Variants in CFAP47 observed in about 807,000 individuals in gnomAD.
The protein encoded by CFAP47 is cilia- and flagella-associated protein 47.
CFAP47 carries 29 observed loss-of-function variants against 148.1 expected under a neutral mutation model. The observed-to-expected ratio is 0.20, with a 90% CI of 0.15 to 0.27. The LOEUF (loss-of-function observed/expected upper bound fraction) is 0.27, where lower values mean the gene tolerates loss of function less well. CFAP47 is among the 10% of genes least tolerant of loss of function. CFAP47 has a pLI of 1.00. For missense variants in CFAP47, 1,872 were observed against 1,697.5 expected (o/e 1.10, Z -1.81); for synonymous variants, 664 against 577.3 (o/e 1.15, Z -2.15).
At chrX:36,089,407 T>G (rs1938146714) in intron 30 of CFAP47, among the ~76,000 whole-genome samples, 1 of 111,480 alleles carries the variant, frequency 9.0e-6, no homozygotes, top group Admixed American at 9.6e-5. Flanking sequence ...AATAAAAAAT[T>G]AAAGTGTTAT....
At chrX:36,231,087 A>G (rs1189662876) in intron 46 of CFAP47, among the ~76,000 whole-genome samples, 1 of 109,252 alleles carries the variant, frequency 9.2e-6, no homozygotes, top group Admixed American at 9.8e-5. Context: ...TTGACTTGGC[A>G]ATGCGGGCTC....
chrX:35,956,055 T>G lies in CFAP47; in HGVS notation c.1269T>G (p.Pro423=), dbSNP rs752975745. The G allele has an allele frequency of 5.8e-6, 7 of 1,211,621 alleles. No homozygotes were observed. Among genetic ancestry groups the G allele is most frequent in the Middle Eastern group, 4.6e-4 (2 of 4,350 alleles). Reference sequence around the variant, plus strand: ...CAGGACCAGTTCTTAATTTTAAACCTTGTTTCATGGGTGAACGTTCAGAAA... The same window carrying G: ...CAGGACCAGTTCTTAATTTTAAACCGTGTTTCATGGGTGAACGTTCAGAAA... ...FDPGPVLNFK[P]CFMGERSEIQ... is the part of the protein sequence containing the mutation. The change falls in exon 8 of 64, where the codon CCT becomes CCG. Residue 423 remains proline (P), a synonymous_variant. Coordinates refer to ENST00000378653, the MANE Select transcript of CFAP47 (RefSeq NM_001304548.2).
intron 35 of CFAP47, among the ~76,000 whole-genome samples, chrX:36,142,979 C>T (rs1210688518): frequency 9.0e-6 from 1 of 111,358 alleles, no homozygotes; most frequent in Non-Finnish European, 1.9e-5. Flanking sequence ...TAAAAATTTA[C>T]CTTCTTAGGC....
intron 46 of CFAP47, among the ~76,000 whole-genome samples, chrX:36,230,578 G>A (rs1940336859): frequency 9.4e-6 from 1 of 105,963 alleles, no homozygotes; most frequent in Non-Finnish European, 1.9e-5. Flanking sequence ...CACTCTGATG[G>A]TAGTTTCTTT....
chrX:36,092,148 T>C lies in CFAP47; in HGVS notation c.4916+6610T>C, dbSNP rs1307528391. On this transcript the variant is annotated intron_variant, in intron 30 of 63. Transcript: ENST00000378653. ...GTGGTAAATTATATGCATATAAATA[T>C]GTACATACATAGGCTTTAAAATGTA... is the stretch of plus-strand genomic sequence containing the variant. Among the ~76,000 whole-genome samples, 4 of 111,722 alleles carry C rather than the reference T, an allele frequency of 3.6e-5. No homozygotes were observed. In the East Asian group the frequency reaches 1.1e-3, roughly 31 times the overall value.
At chrX:36,096,439 TG>T (rs888867541) in intron 30 of CFAP47, among the ~76,000 whole-genome samples, 1 of 111,221 alleles carries the variant, frequency 9.0e-6, no homozygotes, top group Non-Finnish European at 1.9e-5. Flanking sequence ...ATGCTGAAAG[TG>T]GGGTTGAACT....
intron 4 of CFAP47, among the ~76,000 whole-genome samples, chrX:35,950,359 G>A (rs6632422): frequency 0.13 from 14,275 of 110,974 alleles, 737 homozygotes; most frequent in East Asian, 0.24. Context: ...GCAAAGAAGT[G>A]GGATTTTTGT....
intron 8 of CFAP47, among the ~76,000 whole-genome samples, chrX:35,961,752 T>A (rs1047320389): frequency 1.8e-5 from 2 of 111,125 alleles, no homozygotes; most frequent in African/African-American, 6.5e-5. Context: ...TTCAGTGTTG[T>A]TAATCATTTC....
At chrX:36,084,292 A>G (rs190828264) in intron 29 of CFAP47, among the ~76,000 whole-genome samples, 51 of 111,529 alleles carry the variant, frequency 4.6e-4, no homozygotes, top group African/African-American at 1.5e-3. Context: ...ATCTTGACCA[A>G]TAGTGGTATT....
chrX:36,233,708 CT>C (rs1940406349), intron 46 of CFAP47, among the ~76,000 whole-genome samples: 1 of 111,345 alleles, frequency 9.0e-6, no homozygotes, highest in Non-Finnish European at 1.9e-5. Context: ...TCTTCCTAGC[CT>C]TGACGGTCTT....
chrX:36,089,944 A>G (rs1443677575), intron 30 of CFAP47, among the ~76,000 whole-genome samples: 1 of 112,307 alleles, frequency 8.9e-6, no homozygotes, highest in Non-Finnish European at 1.9e-5. Context: ...TCACCTGCTT[A>G]GATATTTCCT....
chrX:36,084,328 C>A (rs898526724), intron 29 of CFAP47, among the ~76,000 whole-genome samples: 1 of 111,314 alleles, frequency 9.0e-6, no homozygotes, highest in Non-Finnish European at 1.9e-5. Context: ...ATATTTGTTT[C>A]TTTGCTGGTA....
chrX:36,344,355 A>G (rs1302137434), intron 57 of CFAP47, among the ~76,000 whole-genome samples: 1 of 110,293 alleles, frequency 9.1e-6, no homozygotes, highest in African/African-American at 3.3e-5. Context: ...AACTTGATAC[A>G]CTCTCAAAGT....
At chrX:36,205,176 T>G (rs1555988676) in intron 45 of CFAP47, 66 bp downstream of exon 45, 1 of 292,127 alleles carries the variant, frequency 3.4e-6, no homozygotes, top group Admixed American at 6.2e-5. Context: ...CACTTCACAG[T>G]TGAGGCAAAA....
chrX:36,081,216 C>T (rs760092068), intron 29 of CFAP47, among the ~76,000 whole-genome samples: 3 of 111,705 alleles, frequency 2.7e-5, no homozygotes, highest in African/African-American at 9.7e-5. Context: ...TGTTTATGAA[C>T]ACTTCGGTGC....
At position 36,000,390 on chromosome X, in the gene CFAP47, C is replaced by T. The variant is rs762310919; in HGVS notation, c.3285C>T (p.Asp1095=). Residue 1095 remains aspartate, a synonymous_variant, in exon 20 of 64, where the codon GAC becomes GAT. Transcript: ENST00000378653. ...CCAGAGTGGAGTTTAATCTAAAAGA[C>T]TTTCCGGATTTTTCAATGGATCTTA... ...TRARVEFNLK[D]FPDFSMDLKD... is the part of the protein sequence containing the mutation. 4.3e-3 allele frequency: 1,269 copies of T among 293,791 alleles called. 6 individuals are homozygous for T. The highest frequency in any genetic ancestry group is 0.016 in the Middle Eastern group (18 of 1,119). 24.2% of individuals were successfully genotyped at this position (293,791 alleles called of 1,213,427 possible). A position where few individuals can be genotyped will look rare whatever the true frequency, so the allele number is the denominator to read the frequency against.
intron 18 of CFAP47, among the ~76,000 whole-genome samples, 175 bp from the exon 19 acceptor site, chrX:35,997,137 A>G (rs1424323059): frequency 1.8e-5 from 2 of 111,610 alleles, no homozygotes; most frequent in Non-Finnish European, 3.8e-5. Context: ...ACTTAGGAGT[A>G]TCAATTCTGC....
intron 44 of CFAP47, among the ~76,000 whole-genome samples, chrX:36,202,593 ACTGGCCAGGCGTGGTGTCTCACGC>A (rs1378027945): frequency 1.8e-5 from 2 of 111,530 alleles, no homozygotes. Context: ...AAGTGCTCTT[ACTGGCCAGGCGTGGTGTCTCACGC>A]CTGTAATCCC....
intron 57 of CFAP47, among the ~76,000 whole-genome samples, chrX:36,339,736 A>C (rs887935514): frequency 3.6e-5 from 4 of 111,942 alleles, no homozygotes; most frequent in Non-Finnish European, 7.5e-5. Context: ...CAGTAAAAGC[A>C]ATTTTTGCTT....
Sources: allele counts gnomAD v4.1 joint callset (sites outside exome capture counted in the v4.1 genomes callset), GRCh38; gene constraint gnomAD v4.1.1; transcripts MANE v1.5; gene names NCBI Gene and HGNC (gene_info 2026-07-23, HGNC 2026-07-21).